Variants in INKA2 observed in about 807,000 individuals in gnomAD.
INKA2 encodes inka box actin regulator 2.
Under a neutral mutation model 9.8 loss-of-function variants are expected in INKA2, and 3 were observed. The ratio of observed to expected loss-of-function variants is 0.31; its 90% CI spans 0.14 to 0.79. INKA2 has a LOEUF of 0.79. Ranked by LOEUF, INKA2 falls within the 30% of genes least tolerant of loss-of-function variation. The probability of loss-of-function intolerance (pLI) is 0.62; values close to 1 mark genes in which losing one functional copy is unlikely to be tolerated. For missense variants in INKA2, 392 were observed against 384.4 expected (o/e 1.02, Z -0.17); for synonymous variants, 147 against 143.3 (o/e 1.03, Z -0.18).
At chr1:111,733,538 C>T (rs1162442775) in intron 1 of INKA2, among the ~76,000 whole-genome samples, 2 of 152,192 alleles carry the variant, frequency 1.3e-5, no homozygotes, top group Non-Finnish European at 2.9e-5. Flanking sequence ...TGAAGTCATC[C>T]TTTTGAGGGA....
At chr1:111,731,290 G>T (rs1662899260) in intron 1 of INKA2, among the ~76,000 whole-genome samples, 1 of 151,930 alleles carries the variant, frequency 6.6e-6, no homozygotes, top group Non-Finnish European at 1.5e-5. Context: ...TCAAATCTCA[G>T]TTCTGCCATT....
At chr1:111,742,963 T>C (rs1663178673), upstream of INKA2, among the ~76,000 whole-genome samples, 1 of 152,246 alleles carries the variant, frequency 6.6e-6, no homozygotes. Flanking sequence ...GCCTTGTTGC[T>C]GAAGAGGTAA....
chr1:111,728,977 A>G (rs1662849332), intron 1 of INKA2, among the ~76,000 whole-genome samples: 1 of 146,546 alleles, frequency 6.8e-6, no homozygotes, highest in Non-Finnish European at 1.5e-5. Flanking sequence ...TCTCAGACAC[A>G]ATCATAGTGG....
chr1:111,743,332 A>T (rs547926011), upstream of INKA2, among the ~76,000 whole-genome samples: 77 of 152,342 alleles, frequency 5.1e-4, no homozygotes, highest in African/African-American at 1.8e-3. Context: ...CTCAGAAGGT[A>T]CGTAGCCATT....
At chr1:111,742,075 A>T (rs967239277), upstream of INKA2, among the ~76,000 whole-genome samples, 7 of 152,154 alleles carry the variant, frequency 4.6e-5, no homozygotes, top group Admixed American at 2.0e-4. Flanking sequence ...CTGAGACTTC[A>T]TGGACTGGAA....
rs1301765814 is a variant in INKA2 at position 111,726,207 on chromosome 1, G to A, written c.*761C>T. ...AAATGGGATCATGCCTGCCTGCCTC[G>A]CTCACTTTCAAATGAGACCATGGAG... On this transcript the variant is annotated 3_prime_UTR_variant, in exon 2 of 2. Coordinates refer to ENST00000357260, the MANE Select transcript of INKA2 (RefSeq NM_019099.5). 1.0e-5 allele frequency: 4 copies of A among 395,172 alleles called. No homozygotes were observed. Among genetic ancestry groups the A allele is most frequent in the East Asian group, 3.6e-5 (1 of 27,884 alleles). The allele number at this position is 395,172 out of a possible 1,614,324, so 24.5% of individuals were successfully genotyped here.
Position 111,726,667 on chromosome 1 carries a change from C to A in INKA2, c.*301G>T. On this transcript the variant is annotated 3_prime_UTR_variant, in exon 2 of 2. Coordinates refer to ENST00000357260, the MANE Select transcript of INKA2 (RefSeq NM_019099.5). ...CCTCTGCCCTCACCTACTGTCACCT[C>A]CAGCCCCAAAGTGAGTGCATGCATG... is the stretch of plus-strand genomic sequence containing the variant. 2.6e-6 allele frequency: 1 copy of A among 383,692 alleles called. No homozygotes were observed. The highest frequency in any genetic ancestry group is 4.7e-6 in the Non-Finnish European group (1 of 211,446). The allele number at this position is 383,692 out of a possible 1,614,324, so 23.8% of individuals were successfully genotyped here.
chr1:111,727,880 T>C, intron 1 of INKA2, 76 bp from the exon 2 acceptor site: 1 of 1,420,248 alleles, frequency 7.0e-7, no homozygotes, highest in Non-Finnish European at 9.8e-7. Flanking sequence ...TGAACTTAGG[T>C]CCCCCACCCA....
At position 111,723,244 on chromosome 1, in the gene INKA2, A is replaced by G. The variant is rs944798811; in HGVS notation, c.*3724T>C. The stretch of plus-strand genomic sequence containing the variant: ...GGAAAGATGGAGGAGCCTCTCCCCA[A>G]CAAGGCCCTAGGGAGGAGATGGGGA... On this transcript the variant is annotated 3_prime_UTR_variant, in exon 2 of 2. Transcript: ENST00000357260. The G allele has an allele frequency of 4.0e-5, 24 of 596,158 alleles. No homozygotes were observed. The highest frequency in any genetic ancestry group is 1.4e-4 in the South Asian group (7 of 50,898). 36.9% of individuals were successfully genotyped at this position (596,158 alleles called of 1,614,324 possible).
In INKA2 at chr1:111,723,976, G is replaced by A. The variant is rs1359245428; in HGVS notation, c.*2992C>T. On this transcript the variant is annotated 3_prime_UTR_variant, in exon 2 of 2. Transcript: ENST00000357260. ...TCGTCTGAAAAGCACAAGATTGCAA[G>A]TCAGTTGGAACTGATTCAATCTCAA... 1 of 152,272 alleles carries A rather than the reference G, an allele frequency of 6.6e-6. No individual in the cohort carries two copies. The allele number at this position is 152,272 out of a possible 1,614,324, so 9.4% of individuals were successfully genotyped here.
At chr1:111,750,046 G>A (rs1663364877) in intron 1 of INKA2, among the ~76,000 whole-genome samples, 2 of 152,340 alleles carry the variant, frequency 1.3e-5, no homozygotes, top group South Asian at 4.1e-4. Context: ...ATGCTGCCTG[G>A]ACAAGAATAA....
At chr1:111,734,361 T>G (rs1249707123) in intron 1 of INKA2, among the ~76,000 whole-genome samples, 1 of 152,194 alleles carries the variant, frequency 6.6e-6, no homozygotes, top group Non-Finnish European at 1.5e-5. Flanking sequence ...TCAATCAACT[T>G]CCTCGAACAT....
chr1:111,744,731 G>A (rs932499780), intron 1 of INKA2, among the ~76,000 whole-genome samples: 2 of 151,980 alleles, frequency 1.3e-5, no homozygotes, highest in African/African-American at 4.8e-5. Context: ...ACAGGTGTGC[G>A]CCACCACGCC....
upstream of INKA2, among the ~76,000 whole-genome samples, chr1:111,740,302 G>A (rs1013810538): frequency 6.6e-6 from 1 of 152,166 alleles, no homozygotes; most frequent in Non-Finnish European, 1.5e-5. Flanking sequence ...TATTCAAAAG[G>A]AGCCGGGCGA....
At position 111,727,482 on chromosome 1, in the gene INKA2, C is replaced by T. The variant is rs1662810226; in HGVS notation, c.380G>A (p.Ser127Asn). ...APLPRTQPHQ[S>N]CAQQGPERVE... ...TCGCTCTGGCCCCTGCTGAGCACAG[C>T]TTTGATGTGGCTGTGTCCTGGGCAA... Residue 127 changes from serine to asparagine, a missense_variant, in exon 2 of 2, where the codon AGC becomes AAC. Physicochemically the swap from Ser to Asn is conservative, Grantham distance 46. Transcript: ENST00000357260. The T allele has an allele frequency of 6.2e-7, 1 of 1,614,238 alleles. No homozygotes were observed. The highest frequency in any genetic ancestry group is 1.1e-5 in the South Asian group (1 of 91,086).
chr1:111,728,903 C>CTTTTTTT lies in INKA2; in HGVS notation c.58-1106_58-1100dup, dbSNP rs34918562. Reference sequence around the variant, plus strand: ...CTGGGCAGTGGGCAGTGGAGCTAGGCTTTTTTTTTTTTTTTTCAAACAGGG... The same window carrying CTTTTTTT: ...CTGGGCAGTGGGCAGTGGAGCTAGGCTTTTTTTTTTTTTTTTTTTTTTTCAAACAGGG... On this transcript the variant is annotated intron_variant, in intron 1 of 1. Coordinates refer to ENST00000357260, the MANE Select transcript of INKA2 (RefSeq NM_019099.5). 7.6e-3 allele frequency among the ~76,000 whole-genome samples: 873 copies of CTTTTTTT among 115,374 alleles called. 34 individuals carry two copies. Among genetic ancestry groups the CTTTTTTT allele is most frequent in the East Asian group, 0.011 (42 of 3,826 alleles). 75.7% of individuals were successfully genotyped at this position (115,374 alleles called of 152,430 possible). A position where few individuals can be genotyped will look rare whatever the true frequency, so the allele number is the denominator to read the frequency against.
chr1:111,745,293 A>ATATATATATATATATATATATT (rs1358304932), intron 1 of INKA2: 2 of 49,268 alleles, frequency 4.1e-5, no homozygotes, highest in African/African-American at 7.1e-5. Flanking sequence ...ATATATATAT[A>ATATATATATATATATATATATT]TTTTTTTTTT....
intron 1 of INKA2, among the ~76,000 whole-genome samples, chr1:111,749,005 T>G (rs1663334197): frequency 6.6e-6 from 1 of 152,180 alleles, no homozygotes; most frequent in South Asian, 2.1e-4. Flanking sequence ...TGGCCTTGTT[T>G]AAGGCTGAGT....
upstream of INKA2, among the ~76,000 whole-genome samples, chr1:111,741,564 T>C (rs1293978611): frequency 6.6e-6 from 1 of 152,176 alleles, no homozygotes; most frequent in African/African-American, 2.4e-5. Context: ...AGCATTGACA[T>C]ATAGTCCACA....
Sources: allele counts gnomAD v4.1 joint callset (sites outside exome capture counted in the v4.1 genomes callset), GRCh38; gene constraint gnomAD v4.1.1; transcripts MANE v1.5; gene names NCBI Gene and HGNC (gene_info 2026-07-23, HGNC 2026-07-21).